WDR75: variants seen among roughly 807,000 people sequenced by gnomAD.
WDR75 encodes WD repeat-containing protein 75.
WDR75 carries 52 observed loss-of-function variants against 106.1 expected under a neutral mutation model. That is an observed-to-expected ratio of 0.49 (90% CI 0.39 to 0.62). The LOEUF is 0.62. Ranked by LOEUF, WDR75 falls within the 20% of genes least tolerant of loss-of-function variation. WDR75 has a pLI of 0.00. For missense variants in WDR75, 905 were observed against 970.3 expected (o/e 0.93, Z 0.89); for synonymous variants, 333 against 335.5 (o/e 0.99, Z 0.08).
At chr2:189,449,970 CTTAGTA>C in intron 2 of WDR75, 1 of 985,186 alleles carries the variant, frequency 1.0e-6, no homozygotes, top group Non-Finnish European at 1.2e-6. Flanking sequence ...CTAGCAGAAA[CTTAGTA>C]TTAATAAAAC....
At chr2:189,446,827 A>G (rs983477242) in intron 1 of WDR75, among the ~76,000 whole-genome samples, 5 of 152,236 alleles carry the variant, frequency 3.3e-5, no homozygotes, top group East Asian at 1.9e-4. Context: ...CTAATAAAAT[A>G]GAACAATTAT....
chr2:189,457,240 TCAAAAAAAAAA>T, intron 5 of WDR75, 60 bp from the exon 6 acceptor site: 2 of 1,064,856 alleles, frequency 1.9e-6, no homozygotes, highest in Non-Finnish European at 2.8e-6. Flanking sequence ...AGACTTTGTC[TCAAAAAAAAAA>T]GAAAAAAAAA....
intron 5 of WDR75, chr2:189,455,675 C>CTGTCTT (rs1686719550): frequency 3.0e-6 from 1 of 333,520 alleles, no homozygotes; most frequent in Admixed American, 4.6e-5. Flanking sequence ...CTCTCTTAGA[C>CTGTCTT]TATGTGTCTT....
intron 2 of WDR75, chr2:189,449,467 T>C: frequency 1.3e-5 from 14 of 1,113,768 alleles, no homozygotes; most frequent in Non-Finnish European, 1.6e-5. Flanking sequence ...AGTGTTTGAA[T>C]GTTTTTAATA....
chr2:189,452,908 C>G (rs1272248893), intron 4 of WDR75, among the ~76,000 whole-genome samples: 1 of 152,088 alleles, frequency 6.6e-6, no homozygotes, highest in Non-Finnish European at 1.5e-5. Context: ...AACTGTAATC[C>G]CAGTGCTTTG....
In WDR75 at chr2:189,474,754, C is replaced by T. The variant is rs1330824849; in HGVS notation, c.2234C>T (p.Ala745Val). ...HTPAHVLPSAAFLCSMFVNSL... is the reference protein window; with the variant it reads ...HTPAHVLPSAVFLCSMFVNSL... ...CCAGCCCATGTCCTGCCATCTGCTG[C>T]TTTCCTGTGCTCCATGTTTGTAAAT... The change falls in exon 20 of 21, where the codon GCT becomes GTT. Residue 745 changes from alanine to valine, a missense_variant. Physicochemically the swap from Ala to Val is moderately conservative, Grantham distance 64. Transcript: ENST00000314761. The T allele has an allele frequency of 1.2e-6, 2 of 1,614,072 alleles. No individual in the cohort carries two copies. Among genetic ancestry groups the T allele is most frequent in the South Asian group, 2.2e-5 (2 of 91,082 alleles).
At chr2:189,454,237 C>T (rs554208028) in intron 4 of WDR75, among the ~76,000 whole-genome samples, 6 of 152,158 alleles carry the variant, frequency 3.9e-5, no homozygotes, top group Non-Finnish European at 8.8e-5. Flanking sequence ...TATTTAGCAT[C>T]GTAGGCTATT....
chr2:189,449,192 C>A, intron 2 of WDR75: 1 of 1,234,974 alleles, frequency 8.1e-7, no homozygotes, highest in Non-Finnish European at 1.1e-6. Context: ...TTTATCTCAA[C>A]AATATTTTGT....
intron 2 of WDR75, chr2:189,449,986 C>G: frequency 4.1e-6 from 4 of 985,280 alleles, no homozygotes; most frequent in Non-Finnish European, 4.8e-6. Context: ...ATTAATAAAA[C>G]TAAGTACACT....
In WDR75 at chr2:189,442,442, CTTTTTTTTT is replaced by C. The variant is rs1188214718; in HGVS notation, c.86+882_86+890del. Among the ~76,000 whole-genome samples, 19 of 73,954 alleles carry C rather than the reference CTTTTTTTTT, an allele frequency of 2.6e-4. 1 individual carries two copies. The highest frequency in any genetic ancestry group is 6.0e-4 in the South Asian group (1 of 1,656). 48.5% of individuals were successfully genotyped at this position (73,954 alleles called of 152,430 possible). A position where few individuals can be genotyped will look rare whatever the true frequency, so the allele number is the denominator to read the frequency against. ...GAAAGTTTGTAGCCTCCACAATATT[CTTTTTTTTT>C]TTTTTTTTTTTTTTTTTGATGCAGA... On this transcript the variant is annotated intron_variant, in intron 1 of 20. Transcript: ENST00000314761.
Position 189,468,475 on chromosome 2 carries a change from G to A in WDR75, c.1629G>A (p.Arg543=). ...CTFCQRAGKI[R]HLCFGRLTCS... is the part of the protein sequence containing the mutation. ...TAACTTCCTTGTGGTTTTAATCTAG[G>A]CACCTTTGCTTTGGGAGATTGACGT... The change falls in exon 15 of 21, where the codon AGG becomes AGA. Residue 543 remains arginine, a splice_region_variant and synonymous_variant. Coordinates refer to ENST00000314761, the MANE Select transcript of WDR75 (RefSeq NM_032168.3). The A allele has an allele frequency of 6.2e-7, 1 of 1,613,056 alleles. No individual in the cohort carries two copies. The highest frequency in any genetic ancestry group is 8.5e-7 in the Non-Finnish European group (1 of 1,179,290).
In WDR75 at chr2:189,466,431, T is replaced by C; in HGVS notation, c.1296T>C (p.Ile432=). 1 of 1,612,514 alleles carries C rather than the reference T, an allele frequency of 6.2e-7. No individual in the cohort carries two copies. The highest frequency in any genetic ancestry group is 8.5e-7 in the Non-Finnish European group (1 of 1,179,042). The change falls in exon 13 of 21, where the codon ATT becomes ATC. Residue 432 remains isoleucine, a synonymous_variant. Transcript: ENST00000314761. ...GTGGTTTCCTTCCCGCTAGGTTTAT[T>C]CTTAACACTAAAATTAACATGCCAC... ...WMYNKKTQGF[I]LNTKINMPHE...
chr2:189,455,640 T>C (rs1048750033), intron 5 of WDR75, 196 bp downstream of exon 5: 1 of 578,364 alleles, frequency 1.7e-6, no homozygotes, highest in Non-Finnish European at 2.8e-6. Context: ...TATTTTTGTG[T>C]GTTCTGTCCT....
At chr2:189,469,252 A>G (rs1380147041) in intron 15 of WDR75, 92 bp from the exon 16 acceptor site, 5 of 951,992 alleles carry the variant, frequency 5.3e-6, no homozygotes, top group South Asian at 4.1e-5. Flanking sequence ...AGTTGGAAGC[A>G]TAAGATTCCT....
chr2:189,461,235 T>C (rs915367690), intron 8 of WDR75, among the ~76,000 whole-genome samples: 11 of 152,216 alleles, frequency 7.2e-5, no homozygotes, highest in Non-Finnish European at 1.6e-4. Context: ...TGGAATACTT[T>C]TGAGAAAACA....
intron 8 of WDR75, among the ~76,000 whole-genome samples, chr2:189,461,869 A>G (rs1201013944): frequency 6.6e-6 from 1 of 152,120 alleles, no homozygotes; most frequent in African/African-American, 2.4e-5. Flanking sequence ...TTATCCAGGT[A>G]CTCTTGATGA....
At chr2:189,457,536 C>T (rs55822942) in intron 6 of WDR75, among the ~76,000 whole-genome samples, 155 bp downstream of exon 6, 21,622 of 152,014 alleles carry the variant, frequency 0.14, 1,964 homozygotes, top group South Asian at 0.21. Context: ...TTAACCATAC[C>T]GTATAGTTTT....
In WDR75 at chr2:189,474,798, G is replaced by A; in HGVS notation, c.2278G>A (p.Glu760Lys). The A allele has an allele frequency of 6.2e-7, 1 of 1,613,744 alleles. No homozygotes were observed. The highest frequency in any genetic ancestry group is 8.5e-7 in the Non-Finnish European group (1 of 1,179,712). Reference protein sequence around the residue: ...MFVNSLLLSKETKSAKEIPED... With the variant: ...MFVNSLLLSKKTKSAKEIPED... The stretch of plus-strand genomic sequence containing the variant: ...TGTAAATTCATTGCTGCTGTCTAAA[G>A]AGACTAAGAGGTAAAGCAGTTCTTA... The change falls in exon 20 of 21, where the codon GAG becomes AAG. Residue 760 changes from glutamate to lysine, a missense_variant. Coordinates refer to ENST00000314761, the MANE Select transcript of WDR75 (RefSeq NM_032168.3).
At chr2:189,460,182 A>G (rs1302910291) in intron 8 of WDR75, among the ~76,000 whole-genome samples, 2 of 152,192 alleles carry the variant, frequency 1.3e-5, no homozygotes, top group African/African-American at 4.8e-5. Context: ...GTTACTACAT[A>G]CTAGAGAAGA....
Sources: allele counts gnomAD v4.1 joint callset (sites outside exome capture counted in the v4.1 genomes callset), GRCh38; gene constraint gnomAD v4.1.1; transcripts MANE v1.5; gene names NCBI Gene and HGNC (gene_info 2026-07-23, HGNC 2026-07-21).